The following ARHGEF28 variants were observed in gnomAD, a reference collection of about 807,000 sequenced individuals.
ARHGEF28 encodes the protein 190 kDa guanine nucleotide exchange factor.
In ARHGEF28, 152 loss-of-function variants were observed where a neutral mutation model predicts 206.6. The observed-to-expected ratio is 0.74, with a 90% CI of 0.64 to 0.84. The LOEUF (loss-of-function observed/expected upper bound fraction) is 0.84, where lower values mean the gene tolerates loss of function less well. ARHGEF28 is among the 40% of genes least tolerant of loss of function. The pLI is 0.00. For synonymous variants in ARHGEF28, 763 were observed against 776.4 expected (o/e 0.98, Z 0.29); for missense variants, 2,028 against 2,073.2 (o/e 0.98, Z 0.42).
At chr5:73,646,715 C>T (rs1365009422) in intron 1 of ARHGEF28, among the ~76,000 whole-genome samples, 1 of 152,196 alleles carries the variant, frequency 6.6e-6, no homozygotes, top group Admixed American at 6.5e-5. Context: ...CTTTAGGAAT[C>T]TTTCTTTTCT....
chr5:73,917,005 G>A (rs1332894573), intron 35 of ARHGEF28, among the ~76,000 whole-genome samples: 3 of 152,138 alleles, frequency 2.0e-5, no homozygotes, highest in Non-Finnish European at 2.9e-5. Flanking sequence ...ATTAAGGCAG[G>A]AATATTGAAT....
chr5:73,740,864 G>T (rs1468745432), intron 2 of ARHGEF28, among the ~76,000 whole-genome samples: 1 of 152,126 alleles, frequency 6.6e-6, no homozygotes, highest in Non-Finnish European at 1.5e-5. Flanking sequence ...GGTAGGGCAG[G>T]CTGCTCCCTC....
intron 1 of ARHGEF28, among the ~76,000 whole-genome samples, chr5:73,680,192 T>G (rs1196649847): frequency 6.6e-6 from 1 of 151,982 alleles, no homozygotes; most frequent in Non-Finnish European, 1.5e-5. Context: ...CCCAGCCCTT[T>G]GGGAGGCTGA....
chr5:73,866,077 T>G, intron 18 of ARHGEF28, 64 bp downstream of exon 18: 1 of 1,247,556 alleles, frequency 8.0e-7, no homozygotes, highest in East Asian at 2.5e-5. Context: ...ATTTTTCCAT[T>G]ATAAAAATAT....
intron 9 of ARHGEF28, among the ~76,000 whole-genome samples, chr5:73,806,145 T>C (rs1652402044): frequency 6.6e-6 from 1 of 150,414 alleles, no homozygotes. Context: ...ACCTCATAGT[T>C]ACCTCATAGT....
intron 2 of ARHGEF28, among the ~76,000 whole-genome samples, chr5:73,719,412 GA>G (rs34402245): frequency 0.4 from 45,524 of 113,934 alleles, 8,237 homozygotes; most frequent in African/African-American, 0.57. Flanking sequence ...CTCCGTCTCA[GA>G]AAAAAAAAAA....
intron 9 of ARHGEF28, among the ~76,000 whole-genome samples, chr5:73,816,406 A>G (rs932942311): frequency 6.6e-6 from 1 of 152,190 alleles, no homozygotes; most frequent in Non-Finnish European, 1.5e-5. Context: ...CACCACCAAC[A>G]TCATTCTCAT....
chr5:73,940,768 A>G, intron 35 of ARHGEF28, 76 bp from the exon 36 acceptor site: 1 of 1,260,910 alleles, frequency 7.9e-7, no homozygotes, highest in Non-Finnish European at 1.0e-6. Flanking sequence ...CTAATCTTAG[A>G]GAGCTCTAAC....
intron 7 of ARHGEF28, among the ~76,000 whole-genome samples, chr5:73,789,436 C>T (rs973921688): frequency 6.6e-6 from 1 of 152,040 alleles, no homozygotes; most frequent in Non-Finnish European, 1.5e-5. Context: ...GGAGCGATTG[C>T]TAATGCGTGT....
At chr5:73,840,888 T>G in intron 11 of ARHGEF28, 128 bp downstream of exon 11, 1 of 1,064,268 alleles carries the variant, frequency 9.4e-7, no homozygotes, top group Non-Finnish European at 1.3e-6. Flanking sequence ...ATGTCCCCTT[T>G]TAGGTTCCTA....
At chr5:73,739,114 T>A (rs370109149) in intron 2 of ARHGEF28, among the ~76,000 whole-genome samples, 1 of 149,284 alleles carries the variant, frequency 6.7e-6, no homozygotes, top group Non-Finnish European at 1.5e-5. Context: ...CTCTTTCTTA[T>A]TGGATAAAAG....
At chr5:73,701,201 G>A (rs1473669725) in intron 2 of ARHGEF28, among the ~76,000 whole-genome samples, 1 of 152,088 alleles carries the variant, frequency 6.6e-6, no homozygotes, top group South Asian at 2.1e-4. Flanking sequence ...TAAATACTAG[G>A]TTTGTTTTGA....
intron 35 of ARHGEF28, among the ~76,000 whole-genome samples, chr5:73,930,032 C>A (rs1038458187): frequency 6.6e-6 from 1 of 152,044 alleles, no homozygotes; most frequent in Non-Finnish European, 1.5e-5. Flanking sequence ...GGAGCATTTA[C>A]GGGATCTTAC....
chr5:73,803,011 G>GGCA (rs113063159), intron 9 of ARHGEF28, among the ~76,000 whole-genome samples: 8,081 of 151,830 alleles, frequency 0.053, 287 homozygotes, highest in African/African-American at 0.095. Flanking sequence ...TTTTATGCCA[G>GGCA]GCAGCACAAG....
At chr5:73,773,754 A>T in intron 4 of ARHGEF28, 101 bp from the exon 5 acceptor site, 1 of 1,148,378 alleles carries the variant, frequency 8.7e-7, no homozygotes, top group Non-Finnish European at 1.2e-6. Context: ...TCCAACTCTG[A>T]CATTCTTATT....
chr5:73,626,854 T>G (rs1193379411), intron 1 of ARHGEF28, among the ~76,000 whole-genome samples: 1 of 152,220 alleles, frequency 6.6e-6, no homozygotes, highest in East Asian at 1.9e-4. Context: ...TATGGTTACC[T>G]TGGTTGGGAA....
chr5:73,883,794 C>A lies in ARHGEF28; in HGVS notation c.2965C>A (p.Arg989Ser), dbSNP rs747665438. ...CCGAAATAGTAATCTTTTGGCTCGA[C>A]GCCGAGGAATTCCAGAATGCATTCT... ...KLRNSNLLAR[R>S]RGIPECILLV... is the part of the protein sequence containing the mutation. The change falls in exon 24 of 36, where the codon CGC becomes AGC. Residue 989 changes from arginine to serine, a missense_variant. By Grantham distance (110) the Arg-to-Ser change is moderately radical. This residue lies in a region of ARHGEF28 where 223 missense variants were observed against 289.9 expected (regional missense o/e 0.77). Transcript: ENST00000513042. 4 of 1,563,468 alleles carry A rather than the reference C, an allele frequency of 2.6e-6. No individual in the cohort carries two copies. Among genetic ancestry groups the A allele is most frequent in the Admixed American group, 1.9e-5 (1 of 52,982 alleles).
intron 30 of ARHGEF28, chr5:73,900,925 A>G: frequency 2.9e-6 from 1 of 345,856 alleles, no homozygotes; most frequent in Non-Finnish European, 5.5e-6. Flanking sequence ...ACTTCAGTGC[A>G]AGAAAGAAAA....
chr5:73,788,125 G>GA (rs111338464), intron 7 of ARHGEF28, among the ~76,000 whole-genome samples: 9,757 of 151,744 alleles, frequency 0.064, 518 homozygotes, highest in African/African-American at 0.15. Flanking sequence ...AGCCTAGAGA[G>GA]AAAAAAAAGT....
Sources: gnomAD v4.1 joint callset for allele counts (sites outside exome capture counted in the v4.1 genomes callset) on GRCh38, gnomAD v4.1.1 for gene constraint, gnomAD v4.1.1 regional missense constraint, MANE v1.5 for transcripts, NCBI Gene and HGNC (gene_info 2026-07-23, HGNC 2026-07-21) for gene names.